Variants in ZNF652 observed in about 807,000 individuals in gnomAD.
ZNF652 encodes the protein zinc finger protein 652.
A neutral mutation model predicts 45.2 loss-of-function variants in ZNF652; 16 were observed. That is an observed-to-expected ratio of 0.35 (90% CI 0.24 to 0.54). The LOEUF is 0.54. Among genes scored for constraint, ZNF652 ranks in the 20% least tolerant of loss-of-function variants. ZNF652 has a pLI of 0.91. For missense variants in ZNF652, 614 were observed against 765.6 expected (o/e 0.80, Z 2.34); for synonymous variants, 250 against 260.6 (o/e 0.96, Z 0.39).
intron 1 of ZNF652, among the ~76,000 whole-genome samples, chr17:49,333,182 C>T (rs1244655372): frequency 3.3e-5 from 5 of 151,322 alleles, no homozygotes; most frequent in Non-Finnish European, 4.4e-5. Flanking sequence ...CTCAGCCTCC[C>T]GAGTAGCTGG....
At chr17:49,311,224 G>A (rs2069706975) in intron 5 of ZNF652, 88 bp downstream of exon 5, 1 of 1,375,472 alleles carries the variant, frequency 7.3e-7, no homozygotes, top group Admixed American at 2.2e-5. Flanking sequence ...GCAAATTTGT[G>A]GTTTTGATTT....
At chr17:49,311,492 G>T (rs372944452) in intron 4 of ZNF652, 36 bp from the exon 5 acceptor site, 1 of 1,600,178 alleles carries the variant, frequency 6.2e-7, no homozygotes, top group African/African-American at 1.3e-5. Flanking sequence ...TGAATGCCAA[G>T]CATAGTAGCT....
intron 1 of ZNF652, among the ~76,000 whole-genome samples, chr17:49,344,094 A>G (rs2070178677): frequency 6.6e-6 from 1 of 151,984 alleles, no homozygotes; most frequent in Non-Finnish European, 1.5e-5. Flanking sequence ...CCAGCTACTC[A>G]GGAGGCTAAG....
At chr17:49,349,705 G>C (rs989902900) in intron 1 of ZNF652, among the ~76,000 whole-genome samples, 3 of 152,118 alleles carry the variant, frequency 2.0e-5, no homozygotes, top group Non-Finnish European at 4.4e-5. Context: ...AATGGACTTA[G>C]GGGCTTATAA....
At chr17:49,354,914 TG>T (rs2070319875) in intron 1 of ZNF652, among the ~76,000 whole-genome samples, 1 of 151,862 alleles carries the variant, frequency 6.6e-6, no homozygotes, top group Admixed American at 6.6e-5. Context: ...TTAGTAGAGA[TG>T]GGGTTTCTCC....
intron 1 of ZNF652, among the ~76,000 whole-genome samples, chr17:49,360,409 A>G: frequency 6.6e-6 from 1 of 152,228 alleles, no homozygotes; most frequent in East Asian, 1.9e-4. Flanking sequence ...GACGGTTCTA[A>G]AGACTTCCAT....
At chr17:49,339,021 T>C (rs2070114038) in intron 1 of ZNF652, among the ~76,000 whole-genome samples, 1 of 152,018 alleles carries the variant, frequency 6.6e-6, no homozygotes, top group Admixed American at 6.6e-5. Context: ...ACACCAGACT[T>C]CATTAGCATA....
intron 1 of ZNF652, among the ~76,000 whole-genome samples, chr17:49,330,513 A>G (rs896660202): frequency 3.3e-5 from 5 of 151,800 alleles, no homozygotes; most frequent in African/African-American, 1.2e-4. Context: ...ATGCCTGGCT[A>G]GTTTTTTGTG....
rs1182307324 is a variant in ZNF652, at chr17:49,304,915, TAC to T, written c.1310-5993_1310-5992del. On this transcript the variant is annotated intron_variant, in intron 5 of 5. Coordinates refer to ENST00000430262, the MANE Select transcript of ZNF652 (RefSeq NM_001145365.3). ...ATATATACACACACACATACATATATACACACACACATACCTACATATATACA... is the reference window on the plus strand; with the variant it reads ...ATATATACACACACACATACATATATACACACACATACCTACATATATACA... 4.6e-5 allele frequency among the ~76,000 whole-genome samples: 7 copies of T among 151,638 alleles called. No homozygotes were observed. In the East Asian group the frequency reaches 1.2e-3, roughly 25 times the overall value.
At chr17:49,351,182 G>A (rs985804990) in intron 1 of ZNF652, among the ~76,000 whole-genome samples, 6 of 151,402 alleles carry the variant, frequency 4.0e-5, no homozygotes, top group Admixed American at 6.6e-5. Context: ...ATACAAACAC[G>A]TGTAAGTATG....
At chr17:49,309,767 T>C (rs1278788706) in intron 5 of ZNF652, among the ~76,000 whole-genome samples, 1 of 152,150 alleles carries the variant, frequency 6.6e-6, no homozygotes, top group Non-Finnish European at 1.5e-5. Flanking sequence ...CTCTCATGAC[T>C]CTTCATCTAG....
At position 49,298,451 on chromosome 17, in the gene ZNF652, G is replaced by A. The variant is rs2069504087; in HGVS notation, c.1783C>T (p.His595Tyr). ...GCTGAACTGTTCTTCTCTGCCAGGT[G>A]CCGCAGAAAGTTGTCCTCACTCTGG... ...RGQSEDNFLR[H>Y]LAEKNSSAQH... is the part of the protein sequence containing the mutation. The change falls in exon 6 of 6, where the codon CAC (histidine) becomes TAC (tyrosine). Residue 595 changes from histidine to tyrosine, a missense_variant. Physicochemically the swap from His to Tyr is moderately conservative, Grantham distance 83. Transcript: ENST00000430262. The A allele has an allele frequency of 1.2e-6, 2 of 1,612,844 alleles. No individual in the cohort carries two copies. The highest frequency in any genetic ancestry group is 1.3e-5 in the African/African-American group (1 of 74,878).
At chr17:49,324,734 CTTTTTTTTTTTT>C (rs1185007907) in intron 1 of ZNF652, among the ~76,000 whole-genome samples, 29 of 96,242 alleles carry the variant, frequency 3.0e-4, no homozygotes, top group African/African-American at 1.1e-3. Flanking sequence ...TGGGGTAGCA[CTTTTTTTTTTTT>C]TTTTTTTTTT....
intron 1 of ZNF652, among the ~76,000 whole-genome samples, chr17:49,342,703 C>T (rs575975467): frequency 3.9e-5 from 6 of 152,166 alleles, no homozygotes; most frequent in Admixed American, 1.3e-4. Context: ...AAAATTTCAA[C>T]TCAAGGCTGA....
intron 2 of ZNF652, among the ~76,000 whole-genome samples, chr17:49,316,051 T>A (rs951315347): frequency 4.6e-5 from 7 of 152,222 alleles, no homozygotes; most frequent in African/African-American, 1.7e-4. Flanking sequence ...ACTTACCTCT[T>A]ACGAATATTC....
intron 1 of ZNF652, among the ~76,000 whole-genome samples, chr17:49,346,062 T>G (rs1237432180): frequency 6.6e-6 from 1 of 152,148 alleles, no homozygotes; most frequent in East Asian, 1.9e-4. Flanking sequence ...CAACTACAAG[T>G]GTAGTACAAC....
chr17:49,332,761 T>A (rs1368506808), intron 1 of ZNF652, among the ~76,000 whole-genome samples: 3 of 152,216 alleles, frequency 2.0e-5, no homozygotes. Flanking sequence ...ATTACAGGTG[T>A]GAGCTGCTGC....
chr17:49,318,542 C>CT (rs1168505247), intron 1 of ZNF652, among the ~76,000 whole-genome samples: 1 of 152,166 alleles, frequency 6.6e-6, no homozygotes, highest in African/African-American at 2.4e-5. Flanking sequence ...ATCCTCAGAG[C>CT]TTAGCACAGT....
chr17:49,314,077 T>C (rs2069762740), intron 2 of ZNF652, among the ~76,000 whole-genome samples: 1 of 150,404 alleles, frequency 6.6e-6, no homozygotes, highest in South Asian at 2.1e-4. Flanking sequence ...TTATATTTCC[T>C]CAAATCTAAT....
Sources: gnomAD v4.1 joint callset for allele counts (sites outside exome capture counted in the v4.1 genomes callset) on GRCh38, gnomAD v4.1.1 for gene constraint, MANE v1.5 for transcripts, NCBI Gene and HGNC (gene_info 2026-07-23, HGNC 2026-07-21) for gene names.